SLC25A25: variants seen among roughly 807,000 people sequenced by gnomAD.
The protein encoded by SLC25A25 is solute carrier family 25 member 25.
SLC25A25 carries 32 observed loss-of-function variants against 57.7 expected under a neutral mutation model. The observed-to-expected ratio is 0.55, with a 90% confidence interval of 0.42 to 0.74. SLC25A25 has a LOEUF of 0.74. Ranked by LOEUF, SLC25A25 falls within the 30% of genes least tolerant of loss-of-function variation. SLC25A25 has a pLI of 0.00. For synonymous variants in SLC25A25, 306 were observed against 291.2 expected (o/e 1.05, Z -0.52); for missense variants, 556 against 701.3 (o/e 0.79, Z 2.34).
In SLC25A25 at chr9:128,107,370, G is replaced by A; in HGVS notation, c.1474G>A (p.Val492Ile). The change falls in exon 11 of 11, where the codon GTC becomes ATC. Residue 492 changes from valine (V) to isoleucine (I), a missense_variant. Val to Ile is a conservative substitution (Grantham distance 29, BLOSUM62 3). Coordinates refer to ENST00000373069, the MANE Select transcript of SLC25A25 (RefSeq NM_001330988.2). ...YRGLAPNFMK[V>I]IPAVSISYVV... ...GGGGCTGGCCCCCAACTTCATGAAG[G>A]TCATCCCAGCTGTGAGCATCAGCTA... 6.6e-7 allele frequency: 1 copy of A among 1,515,346 alleles called. No individual in the cohort carries two copies. Among genetic ancestry groups the A allele is most frequent in the Non-Finnish European group, 8.8e-7 (1 of 1,130,508 alleles). 93.9% of individuals were successfully genotyped at this position (1,515,346 alleles called of 1,614,324 possible).
intron 1 of SLC25A25, among the ~76,000 whole-genome samples, chr9:128,080,448 G>A (rs1439438464): frequency 6.8e-6 from 1 of 147,814 alleles, no homozygotes; most frequent in African/African-American, 2.5e-5. Flanking sequence ...GTTAAAACCA[G>A]CTATGGTACA....
intron 1 of SLC25A25, among the ~76,000 whole-genome samples, chr9:128,077,057 C>G (rs754096255): frequency 1.1e-4 from 17 of 152,132 alleles, no homozygotes; most frequent in Non-Finnish European, 1.6e-4. Flanking sequence ...ATCCAAGGGC[C>G]CTTTATCTGA....
chr9:128,101,470 C>A lies in SLC25A25; in HGVS notation c.476+74C>A. On this transcript the variant is annotated intron_variant, in intron 3 of 10. Transcript: ENST00000373069. This position sits in a 1 kb window ranked among gnomAD's most constrained non-coding sequence, Gnocchi z 4.9. ...AGGCTCTGAGACTAACCCTCCGATG[C>A]CATTCCCTGGGCTGACCCTGAACTT... 3 of 1,522,128 alleles carry A rather than the reference C, an allele frequency of 2.0e-6. No homozygotes were observed. Among genetic ancestry groups the A allele is most frequent in the Non-Finnish European group, 2.7e-6 (3 of 1,107,198 alleles). The allele number at this position is 1,522,128 out of a possible 1,614,324, so 94.3% of individuals were successfully genotyped here.
chr9:128,105,635 T>C, intron 6 of SLC25A25, 94 bp from the exon 7 acceptor site: 2 of 1,590,480 alleles, frequency 1.3e-6, no homozygotes, highest in Non-Finnish European at 1.7e-6. Context: ...GGCCTTCCCT[T>C]TGGCCGCAGC....
chr9:128,093,354 A>T (rs1425583544), intron 1 of SLC25A25, among the ~76,000 whole-genome samples: 1 of 152,224 alleles, frequency 6.6e-6, no homozygotes, highest in Non-Finnish European at 1.5e-5. Flanking sequence ...AGGAACTTTT[A>T]TCTATAGACC....
chr9:128,087,112 G>A (rs1833293802), intron 1 of SLC25A25, among the ~76,000 whole-genome samples: 1 of 151,654 alleles, frequency 6.6e-6, no homozygotes, highest in African/African-American at 2.4e-5. Context: ...CTACTTGGGA[G>A]TCTGAGGCAG....
In SLC25A25 at chr9:128,106,496, C is replaced by T. The variant is rs934764626; in HGVS notation, c.1188C>T (p.Ala396=). Residue 396 remains alanine, a synonymous_variant, in exon 9 of 11, where the codon GCC becomes GCT. Transcript: ENST00000373069. ...ACATGCTGGGCATCATCCCCTATGC[C>T]GGCATCGACCTTGCAGTCTACGAGG... is the stretch of plus-strand genomic sequence containing the variant. The part of the protein sequence containing the change: ...VPNMLGIIPY[A]GIDLAVYETL... 26 of 1,609,272 alleles carry T rather than the reference C, an allele frequency of 1.6e-5. No individual in the cohort carries two copies. Among genetic ancestry groups the T allele is most frequent in the Non-Finnish European group, 2.0e-5 (24 of 1,179,120 alleles).
In SLC25A25 at chr9:128,099,159, C is replaced by G; in HGVS notation, c.262-1937C>G. The G allele has an allele frequency of 2.4e-6, 3 of 1,234,762 alleles. No individual in the cohort carries two copies. The South Asian group carries it at 4.1e-5, about 17-fold the overall frequency. 76.5% of individuals were successfully genotyped at this position (1,234,762 alleles called of 1,614,324 possible). A position where few individuals can be genotyped will look rare whatever the true frequency, so the allele number is the denominator to read the frequency against. ...GCCTCCCGCCTTCTCGACTCTCAGA[C>G]ATCGCTGTGGAACAGGGCCTGTGTC... On this transcript the variant is annotated intron_variant, in intron 1 of 10. Transcript: ENST00000373069. This position sits in a 1 kb window ranked among gnomAD's most constrained non-coding sequence, Gnocchi z 6.8.
At chr9:128,074,825 AC>A (rs986851868) in intron 1 of SLC25A25, among the ~76,000 whole-genome samples, 1 of 151,926 alleles carries the variant, frequency 6.6e-6, no homozygotes, top group Non-Finnish European at 1.5e-5. Flanking sequence ...ACTTGGTGAA[AC>A]CCTGTCTCTA....
At position 128,101,397 on chromosome 9, in the gene SLC25A25, G is replaced by T; in HGVS notation, c.476+1G>T. 1 of 1,614,132 alleles carries T rather than the reference G, an allele frequency of 6.2e-7. No homozygotes were observed. Among genetic ancestry groups the T allele is most frequent in the Non-Finnish European group, 8.5e-7 (1 of 1,180,030 alleles). ...AGCAGGCAGAAAAAATTCTCAAGAG[G>T]TGAGTGCTCAGCCAGCCTCTGTGTT... On this transcript the variant is annotated splice_donor_variant, in intron 3 of 10. Coordinates refer to ENST00000373069, the MANE Select transcript of SLC25A25 (RefSeq NM_001330988.2). LOFTEE classifies it high-confidence loss of function. This position sits in a 1 kb window ranked among gnomAD's most constrained non-coding sequence, Gnocchi z 4.9.
chr9:128,100,160 G>A (rs1393473716), intron 1 of SLC25A25, among the ~76,000 whole-genome samples: 1 of 151,958 alleles, frequency 6.6e-6, no homozygotes, highest in African/African-American at 2.4e-5. Context: ...GTAAAATGGG[G>A]GAAATGACAT....
intron 1 of SLC25A25, among the ~76,000 whole-genome samples, chr9:128,069,901 G>A (rs1832863395): frequency 6.8e-6 from 1 of 147,646 alleles, no homozygotes; most frequent in Non-Finnish European, 1.5e-5. Context: ...ACAGGCATGT[G>A]CCACCACACC....
chr9:128,068,316 C>T lies in SLC25A25; in HGVS notation c.-4C>T, dbSNP rs1832824697. The T allele has an allele frequency of 7.1e-7, 1 of 1,415,456 alleles. No homozygotes were observed. Among genetic ancestry groups the T allele is most frequent in the South Asian group, 1.5e-5 (1 of 66,902 alleles). 87.7% of individuals were successfully genotyped at this position (1,415,456 alleles called of 1,614,324 possible). ...CCGCGCCCGGAGCCCCTGCCTCGCG[C>T]CCGATGGTGAGCAGTGTGTTGTGCC... On this transcript the variant is annotated 5_prime_UTR_variant, in exon 1 of 11. Transcript: ENST00000373069.
chr9:128,076,578 G>A (rs1027381292), intron 1 of SLC25A25, among the ~76,000 whole-genome samples: 1 of 149,760 alleles, frequency 6.7e-6, no homozygotes, highest in Non-Finnish European at 1.5e-5. Flanking sequence ...CCATTCTCCT[G>A]CCTCAGCCTC....
Position 128,107,544 on chromosome 9 carries a change from CGAG to C in SLC25A25, c.*101_*103del. 1.4e-6 allele frequency: 2 copies of C among 1,391,826 alleles called. No homozygotes were observed. The highest frequency in any genetic ancestry group is 1.9e-6 in the Non-Finnish European group (2 of 1,050,250). 86.2% of individuals were successfully genotyped at this position (1,391,826 alleles called of 1,614,324 possible). ...TGAATGTGCCAACACTAAGCTGTCT[CGAG>C]CCAAGCTGTGAAAACCCTAGACGCA... is the stretch of plus-strand genomic sequence containing the variant. On this transcript the variant is annotated 3_prime_UTR_variant, in exon 11 of 11. Transcript: ENST00000373069.
chr9:128,070,785 C>T (rs1017794461), intron 1 of SLC25A25, among the ~76,000 whole-genome samples: 1 of 151,262 alleles, frequency 6.6e-6, no homozygotes, highest in African/African-American at 2.4e-5. Flanking sequence ...AAACCCGTCT[C>T]TACTAAAAAT....
rs111440458 is a variant in SLC25A25 at position 128,107,396 on chromosome 9, C to T, written c.1500C>T (p.Tyr500=). Residue 500 remains tyrosine (Y), a synonymous_variant, in exon 11 of 11, where the codon TAC becomes TAT. Transcript: ENST00000373069. Reference sequence around the variant, plus strand: ...TCATCCCAGCTGTGAGCATCAGCTACGTGGTCTACGAGAACCTGAAGATCA... The same window carrying T: ...TCATCCCAGCTGTGAGCATCAGCTATGTGGTCTACGAGAACCTGAAGATCA... ...MKVIPAVSIS[Y]VVYENLKITL... 23 of 1,510,844 alleles carry T rather than the reference C, an allele frequency of 1.5e-5. No individual in the cohort carries two copies. Among genetic ancestry groups the T allele is most frequent in the African/African-American group, 7.0e-5 (5 of 71,698 alleles). 93.6% of individuals were successfully genotyped at this position (1,510,844 alleles called of 1,614,324 possible).
intron 1 of SLC25A25, among the ~76,000 whole-genome samples, chr9:128,100,348 G>T (rs74458232): frequency 3.3e-5 from 5 of 152,144 alleles, no homozygotes; most frequent in South Asian, 2.1e-4. Context: ...GCGGGGGCGG[G>T]GGGGGTTACT....
chr9:128,104,402 T>C lies in SLC25A25; in HGVS notation c.783+563T>C, dbSNP rs191355124. ...AGCCCGGCTTGGAAGAGCTGCCTCCTTTCTCTCCCCAGTCTGCCTTGCTGG... is the reference window on the plus strand; with the variant it reads ...AGCCCGGCTTGGAAGAGCTGCCTCCCTTCTCTCCCCAGTCTGCCTTGCTGG... On this transcript the variant is annotated intron_variant, in intron 6 of 10. Transcript: ENST00000373069. Among the ~76,000 whole-genome samples, 684 of 152,294 alleles carry C rather than the reference T, an allele frequency of 4.5e-3. 15 individuals are homozygous for C. Among genetic ancestry groups the C allele is most frequent in the Admixed American group, 0.036 (544 of 15,298 alleles).
Sources: gnomAD v4.1 joint callset for allele counts (sites outside exome capture counted in the v4.1 genomes callset) on GRCh38, gnomAD v4.1.1 for gene constraint, Gnocchi (gnomAD v3.1) non-coding constraint, MANE v1.5 for transcripts, NCBI Gene and HGNC (gene_info 2026-07-23, HGNC 2026-07-21) for gene names.